The following UTP18 variants were observed in gnomAD, a reference collection of about 807,000 sequenced individuals.
UTP18 encodes U3 small nucleolar RNA-associated protein 18 homolog.
In UTP18, 36 loss-of-function variants were observed where a neutral mutation model predicts 61.1. The ratio of observed to expected loss-of-function variants is 0.59; its 90% CI spans 0.45 to 0.78. The LOEUF (loss-of-function observed/expected upper bound fraction) is 0.78. Ranked by LOEUF, UTP18 falls within the 30% of genes least tolerant of loss-of-function variation. The pLI, the probability that UTP18 is intolerant of heterozygous loss-of-function variation, is 0.00. For missense variants in UTP18, 753 were observed against 693.9 expected, an observed-to-expected ratio of 1.09 and a Z score of -0.96; for synonymous variants, 282 against 251.1, an observed-to-expected ratio of 1.12 and a Z score of -1.16.
intron 4 of UTP18, among the ~76,000 whole-genome samples, chr17:51,269,186 C>T (rs1198874220): frequency 6.8e-6 from 1 of 146,876 alleles, no homozygotes; most frequent in Non-Finnish European, 1.5e-5. Flanking sequence ...ACTTGGGGGG[C>T]TGAGGTGGGA....
intron 5 of UTP18, among the ~76,000 whole-genome samples, chr17:51,275,154 G>T (rs916018287): frequency 1.3e-5 from 2 of 148,868 alleles, no homozygotes; most frequent in African/African-American, 5.0e-5. Context: ...TCGAGATTAC[G>T]CCATTGCCCT....
At chr17:51,296,600 T>G (rs1468430863) in intron 12 of UTP18, 1 of 173,368 alleles carries the variant, frequency 5.8e-6, no homozygotes, top group African/African-American at 2.4e-5. Flanking sequence ...AAATTTTTTT[T>G]TCTCTAAGAC....
chr17:51,282,153 T>C (rs1310525964), intron 9 of UTP18, among the ~76,000 whole-genome samples: 2 of 152,246 alleles, frequency 1.3e-5, no homozygotes, highest in Non-Finnish European at 2.9e-5. Context: ...CGGGAGACTT[T>C]CAAGTGGTTC....
At position 51,266,239 on chromosome 17, in the gene UTP18, T is replaced by C. The variant is rs2055559727; in HGVS notation, c.513T>C (p.Ser171=). The C allele has an allele frequency of 1.2e-6, 2 of 1,601,088 alleles. No individual in the cohort carries two copies. The highest frequency in any genetic ancestry group is 1.7e-6 in the Non-Finnish European group (2 of 1,175,818). The change falls in exon 3 of 14, where the codon AGT becomes AGC. Residue 171 remains serine, a synonymous_variant. Coordinates refer to ENST00000225298, the MANE Select transcript of UTP18 (RefSeq NM_016001.3). Reference sequence around the variant, plus strand: ...ATATGATGAAAAATGCTAGTGAAAGTAAACTTTCGAAAGACAACCTTAAAA... The same window carrying C: ...ATATGATGAAAAATGCTAGTGAAAGCAAACTTTCGAAAGACAACCTTAAAA... The part of the protein sequence containing the change: ...RKDMMKNASE[S]KLSKDNLKKR...
intron 2 of UTP18, 115 bp from the exon 3 acceptor site, chr17:51,266,067 T>C: frequency 1.3e-6 from 1 of 741,892 alleles, no homozygotes; most frequent in Non-Finnish European, 2.0e-6. Context: ...GTTCACATCT[T>C]AAAAATCTTG....
chr17:51,265,014 T>G (rs892437503), intron 2 of UTP18, among the ~76,000 whole-genome samples: 2 of 152,144 alleles, frequency 1.3e-5, no homozygotes, highest in Non-Finnish European at 2.9e-5. Context: ...TATTATGTCC[T>G]TGTCTATTGG....
At chr17:51,270,414 A>G (rs572224141) in intron 4 of UTP18, among the ~76,000 whole-genome samples, 1 of 152,302 alleles carries the variant, frequency 6.6e-6, no homozygotes, top group South Asian at 2.1e-4. Flanking sequence ...TAATTTTATT[A>G]TCCATTTCAG....
At position 51,277,123 on chromosome 17, in the gene UTP18, T is replaced by C; in HGVS notation, c.838-7T>C. On this transcript the variant is annotated splice_region_variant and splice_polypyrimidine_tract_variant and intron_variant, in intron 6 of 13. Coordinates refer to ENST00000225298, the MANE Select transcript of UTP18 (RefSeq NM_016001.3). The stretch of plus-strand genomic sequence containing the variant: ...AATCAAAAGAACCATTTTGTACTTC[T>C]TTATAGGTTGATGGGAAAACAAATC... 1 of 1,613,490 alleles carries C rather than the reference T, an allele frequency of 6.2e-7. No individual in the cohort carries two copies. The highest frequency in any genetic ancestry group is 8.5e-7 in the Non-Finnish European group (1 of 1,179,652).
intron 1 of UTP18, among the ~76,000 whole-genome samples, chr17:51,261,258 C>T (rs981750163): frequency 5.9e-5 from 9 of 152,210 alleles, no homozygotes; most frequent in Non-Finnish European, 1.3e-4. Flanking sequence ...GTCTTTTGAT[C>T]ACCTGCCTCA....
chr17:51,266,087 G>C, intron 2 of UTP18, 95 bp from the exon 3 acceptor site: 2 of 902,328 alleles, frequency 2.2e-6, no homozygotes, highest in South Asian at 4.7e-5. Context: ...GACCTATATT[G>C]TTTCATTAAA....
intron 1 of UTP18, among the ~76,000 whole-genome samples, chr17:51,261,667 G>A (rs182229868): frequency 1.8e-4 from 27 of 152,208 alleles, no homozygotes; most frequent in Admixed American, 4.6e-4. Flanking sequence ...TAAACTTCAG[G>A]TTTGTTGGTG....
chr17:51,289,200 G>T lies in UTP18; in HGVS notation c.1503+997G>T, dbSNP rs201872601. The stretch of plus-strand genomic sequence containing the variant: ...GTAAGCAGACCTTTCTGTTTTTTTT[G>T]TTTTTTTTTTTTTTGAGACCAAGTC... On this transcript the variant is annotated intron_variant, in intron 11 of 13. Coordinates refer to ENST00000225298, the MANE Select transcript of UTP18 (RefSeq NM_016001.3). Among the ~76,000 whole-genome samples, 321 of 137,636 alleles carry T rather than the reference G, an allele frequency of 2.3e-3. 1 individual carries two copies. The highest frequency in any genetic ancestry group is 3.0e-3 in the Non-Finnish European group (191 of 63,334). The allele number at this position is 137,636 out of a possible 152,430, so 90.3% of individuals were successfully genotyped here.
In UTP18 at chr17:51,273,185, A is replaced by AT. The variant is rs35339641; in HGVS notation, c.623-161dup. Among the ~76,000 whole-genome samples, 215 of 142,372 alleles carry AT rather than the reference A, an allele frequency of 1.5e-3. 1 individual carries two copies. In the East Asian group the frequency reaches 0.023, roughly 15 times the overall value. 93.4% of individuals were successfully genotyped at this position (142,372 alleles called of 152,430 possible). A position where few individuals can be genotyped will look rare whatever the true frequency, so the allele number is the denominator to read the frequency against. ...TGTCATCTTTTTCTTCTCCTTTAAA[A>AT]TTTTTTTTTTTTTTTTCCTGTTTTG... On this transcript the variant is annotated intron_variant, in intron 4 of 13. Coordinates refer to ENST00000225298, the MANE Select transcript of UTP18 (RefSeq NM_016001.3).
At chr17:51,291,580 C>T (rs1905239479) in intron 11 of UTP18, among the ~76,000 whole-genome samples, 1 of 151,844 alleles carries the variant, frequency 6.6e-6, no homozygotes, top group South Asian at 2.1e-4. Flanking sequence ...ACTAAAAATA[C>T]AAAAATTAGC....
At chr17:51,274,993 T>G (rs1301989806) in intron 5 of UTP18, among the ~76,000 whole-genome samples, 1 of 150,244 alleles carries the variant, frequency 6.7e-6, no homozygotes, top group Non-Finnish European at 1.5e-5. Context: ...AGGTTGGGAG[T>G]TTGAGACCAG....
At chr17:51,270,492 G>T (rs968693163) in intron 4 of UTP18, among the ~76,000 whole-genome samples, 2 of 152,170 alleles carry the variant, frequency 1.3e-5, no homozygotes, top group Non-Finnish European at 2.9e-5. Context: ...TATGCTAGCT[G>T]TTGAAACAAA....
At chr17:51,280,784 G>C (rs1261989453) in intron 9 of UTP18, among the ~76,000 whole-genome samples, 1 of 151,872 alleles carries the variant, frequency 6.6e-6, no homozygotes, top group Non-Finnish European at 1.5e-5. Context: ...CTGCACTCTA[G>C]CCTGGGGGAC....
chr17:51,276,021 T>G lies in UTP18; in HGVS notation c.837+30T>G, dbSNP rs769788087. ...GCATCTTTATTTACTTATTTATTTC[T>G]AATGCATTATTTTTATTTAAGGACC... is the stretch of plus-strand genomic sequence containing the variant. On this transcript the variant is annotated intron_variant, in intron 6 of 13. Coordinates refer to ENST00000225298, the MANE Select transcript of UTP18 (RefSeq NM_016001.3). 15 of 1,574,124 alleles carry G rather than the reference T, an allele frequency of 9.5e-6. No individual in the cohort carries two copies. In the Admixed American group the frequency reaches 1.4e-4, roughly 15 times the overall value.
At chr17:51,266,353 T>G (rs1003724937) in intron 3 of UTP18, 73 bp downstream of exon 3, 18 of 1,021,624 alleles carry the variant, frequency 1.8e-5, no homozygotes, top group Non-Finnish European at 2.0e-5. Context: ...CGTAACCGCT[T>G]CTTGTGTAGT....
Sources: allele counts gnomAD v4.1 joint callset (sites outside exome capture counted in the v4.1 genomes callset), GRCh38; gene constraint gnomAD v4.1.1; transcripts MANE v1.5; gene names NCBI Gene and HGNC (gene_info 2026-07-23, HGNC 2026-07-21).